The following ZFPM2 variants were observed in gnomAD, a reference collection of about 807,000 sequenced individuals.
The protein encoded by ZFPM2 is zinc finger protein, FOG family member 2, also known as zinc finger protein ZFPM2.
Under a neutral mutation model 98.6 loss-of-function variants are expected in ZFPM2, and 20 were observed. The ratio of observed to expected loss-of-function variants is 0.20; its 90% CI spans 0.14 to 0.29. The LOEUF is 0.29. Among genes scored for constraint, ZFPM2 ranks in the 10% least tolerant of loss-of-function variants. The probability of loss-of-function intolerance (pLI) is 1.00; values close to 1 mark genes in which losing one functional copy is unlikely to be tolerated. For missense variants in ZFPM2, 1,310 were observed against 1,388.6 expected, an observed-to-expected ratio of 0.94 and a Z score of 0.90; for synonymous variants, 518 against 502.7, an observed-to-expected ratio of 1.03 and a Z score of -0.41.
chr8:105,371,138 T>A (rs567090225), intron 1 of ZFPM2, among the ~76,000 whole-genome samples: 1 of 152,332 alleles, frequency 6.6e-6, no homozygotes, highest in African/African-American at 2.4e-5. Flanking sequence ...TATTTAATAC[T>A]TTTGTTTTAA....
intron 5 of ZFPM2, among the ~76,000 whole-genome samples, chr8:105,663,989 GT>G (rs1223947078): frequency 1.3e-5 from 2 of 152,064 alleles, no homozygotes; most frequent in African/African-American, 4.8e-5. Flanking sequence ...AAATCAGCTC[GT>G]TATGGTTAAA....
intron 1 of ZFPM2, among the ~76,000 whole-genome samples, chr8:105,372,746 T>C (rs1023455862): frequency 5.9e-5 from 9 of 152,148 alleles, no homozygotes; most frequent in Non-Finnish European, 1.3e-4. Flanking sequence ...ATGTTTGAGT[T>C]ATTTAATATT....
chr8:105,398,585 G>A (rs1182676014), intron 1 of ZFPM2, among the ~76,000 whole-genome samples: 3 of 151,956 alleles, frequency 2.0e-5, no homozygotes, highest in Admixed American at 6.6e-5. Context: ...CACATCATCA[G>A]GCATTAGATT....
At chr8:105,603,372 A>T (rs1230897675) in intron 4 of ZFPM2, among the ~76,000 whole-genome samples, 3 of 152,124 alleles carry the variant, frequency 2.0e-5, no homozygotes, top group Non-Finnish European at 2.9e-5. Context: ...ACAGAATAAA[A>T]ACTTATATCA....
intron 4 of ZFPM2, among the ~76,000 whole-genome samples, chr8:105,591,184 G>C (rs906127994): frequency 4.0e-5 from 6 of 151,706 alleles, no homozygotes; most frequent in African/African-American, 1.5e-4. Context: ...ACCACAAACT[G>C]GGTTATGAAC....
chr8:105,700,749 C>A (rs1811122804), intron 5 of ZFPM2, among the ~76,000 whole-genome samples: 1 of 152,066 alleles, frequency 6.6e-6, no homozygotes, highest in Non-Finnish European at 1.5e-5. Context: ...CCGCGCACCA[C>A]CACGCCTGGC....
chr8:105,591,453 C>T (rs186244170), intron 4 of ZFPM2, among the ~76,000 whole-genome samples: 2 of 152,224 alleles, frequency 1.3e-5, no homozygotes, highest in African/African-American at 4.8e-5. Context: ...ATAGACAGTA[C>T]TGTAAATACA....
intron 5 of ZFPM2, among the ~76,000 whole-genome samples, chr8:105,764,319 CACACACAT>C (rs1186105361): frequency 3.4e-5 from 5 of 145,804 alleles, no homozygotes; most frequent in African/African-American, 7.4e-5. Flanking sequence ...CACACACACA[CACACACAT>C]ATTTGGAAAT....
Position 105,599,391 on chromosome 8 carries a change from TA to T in ZFPM2, c.421-34839del, listed in dbSNP as rs71577982. Among the ~76,000 whole-genome samples the T allele has an allele frequency of 5.4e-3, 739 of 137,244 alleles. 2 individuals carry two copies. The highest frequency in any genetic ancestry group is 0.01 in the East Asian group (48 of 4,740). The allele number at this position is 137,244 out of a possible 152,430, so 90.0% of individuals were successfully genotyped here. A position where few individuals can be genotyped will look rare whatever the true frequency, so the allele number is the denominator to read the frequency against. Reference sequence around the variant, plus strand: ...TCTTTTTTCTTTTTCTTTTCGTCTTTAAAAAAAAAAAAAAAATGAAGGCTGT... The same window carrying T: ...TCTTTTTTCTTTTTCTTTTCGTCTTTAAAAAAAAAAAAAAATGAAGGCTGT... On this transcript the variant is annotated intron_variant, in intron 4 of 7. Coordinates refer to ENST00000407775, the MANE Select transcript of ZFPM2 (RefSeq NM_012082.4).
intron 4 of ZFPM2, among the ~76,000 whole-genome samples, chr8:105,580,737 T>A (rs1412592382): frequency 2.0e-5 from 3 of 151,666 alleles, no homozygotes; most frequent in Non-Finnish European, 4.4e-5. Context: ...GGCCCTTTTC[T>A]CCCTAGAAAA....
At chr8:105,468,751 G>A (rs1378912684) in intron 3 of ZFPM2, among the ~76,000 whole-genome samples, 3 of 152,108 alleles carry the variant, frequency 2.0e-5, no homozygotes, top group Admixed American at 1.3e-4. Flanking sequence ...AGAATCTCAG[G>A]CAATCCTCTC....
intron 1 of ZFPM2, among the ~76,000 whole-genome samples, chr8:105,370,072 T>C (rs1211433432): frequency 6.6e-6 from 1 of 152,158 alleles, no homozygotes; most frequent in Non-Finnish European, 1.5e-5. Flanking sequence ...ATCTAGTTAC[T>C]GGTCCAGGGT....
chr8:105,692,447 C>T (rs1810909204), intron 5 of ZFPM2, among the ~76,000 whole-genome samples: 1 of 152,172 alleles, frequency 6.6e-6, no homozygotes, highest in East Asian at 1.9e-4. Flanking sequence ...AGACCACTGG[C>T]ATGGAAGATT....
intron 5 of ZFPM2, among the ~76,000 whole-genome samples, chr8:105,712,753 C>T (rs1286362428): frequency 6.6e-6 from 1 of 152,080 alleles, no homozygotes; most frequent in African/African-American, 2.4e-5. Flanking sequence ...TTCCCATCTT[C>T]ATGTCCAAGT....
chr8:105,378,473 T>A (rs1810775242), intron 1 of ZFPM2, among the ~76,000 whole-genome samples: 1 of 152,208 alleles, frequency 6.6e-6, no homozygotes, highest in Non-Finnish European at 1.5e-5. Flanking sequence ...CCTTAATCTT[T>A]CCTCCTAGGC....
intron 3 of ZFPM2, among the ~76,000 whole-genome samples, chr8:105,446,604 A>C (rs1421219970): frequency 3.3e-5 from 5 of 152,166 alleles, no homozygotes; most frequent in Non-Finnish European, 7.4e-5. Flanking sequence ...TTTTCGTTTA[A>C]ATTTATTTAA....
chr8:105,481,594 G>T (rs926035224), intron 3 of ZFPM2, among the ~76,000 whole-genome samples: 7 of 152,068 alleles, frequency 4.6e-5, no homozygotes, highest in African/African-American at 1.7e-4. Flanking sequence ...TGTCATAGTG[G>T]GAATTAGGGC....
At chr8:105,665,440 C>T (rs1817471407) in intron 5 of ZFPM2, among the ~76,000 whole-genome samples, 1 of 151,936 alleles carries the variant, frequency 6.6e-6, no homozygotes, top group African/African-American at 2.4e-5. Context: ...TTAAAGCAAC[C>T]CTGCCATGGA....
intron 1 of ZFPM2, among the ~76,000 whole-genome samples, chr8:105,357,107 C>T (rs1417036003): frequency 1.3e-5 from 2 of 152,110 alleles, no homozygotes; most frequent in Non-Finnish European, 2.9e-5. Context: ...GTACTGCTCC[C>T]TGGAGACCCC....
Sources: allele counts gnomAD v4.1 joint callset (sites outside exome capture counted in the v4.1 genomes callset), GRCh38; gene constraint gnomAD v4.1.1; transcripts MANE v1.5; gene names NCBI Gene and HGNC (gene_info 2026-07-23, HGNC 2026-07-21).